ANKRD26: variants seen among roughly 807,000 people sequenced by gnomAD.
The protein encoded by ANKRD26 is ankyrin repeat domain 26.
Under a neutral mutation model 208.7 loss-of-function variants are expected in ANKRD26, and 141 were observed. The observed-to-expected ratio is 0.68, with a 90% CI of 0.59 to 0.78. The LOEUF is 0.78. Among genes scored for constraint, ANKRD26 ranks in the 30% least tolerant of loss-of-function variants. ANKRD26 has a pLI of 0.00. For missense variants in ANKRD26, 1,889 were observed against 1,938.7 expected (o/e 0.97, Z 0.48); for synonymous variants, 636 against 660.4 (o/e 0.96, Z 0.57).
In ANKRD26 at chr10:27,035,001, AGTT is replaced by A. The variant is rs1356243871; in HGVS notation, c.3446_3448del (p.Gln1149del). On this transcript the variant is annotated inframe_deletion, in exon 24 of 34. Transcript: ENST00000376087. ...GTCAGCCTTGTTGTGGGCATCATCC[AGTT>A]GTTGTCGAAGCAACATATTCTCACT... is the stretch of plus-strand genomic sequence containing the variant. 6.2e-7 allele frequency: 1 copy of A among 1,613,960 alleles called. No homozygotes were observed. The highest frequency in any genetic ancestry group is 8.5e-7 in the Non-Finnish European group (1 of 1,179,962).
intron 25 of ANKRD26, chr10:27,030,694 T>A: frequency 8.0e-6 from 5 of 621,894 alleles, no homozygotes; most frequent in Non-Finnish European, 1.0e-5. Context: ...ATTAAGTGGT[T>A]TCTACTTATA....
intron 12 of ANKRD26, among the ~76,000 whole-genome samples, chr10:27,061,446 T>C (rs1388101510): frequency 6.6e-6 from 1 of 152,140 alleles, no homozygotes; most frequent in Non-Finnish European, 1.5e-5. Context: ...TAAAATGTTA[T>C]CCTCTAAAGG....
chr10:27,028,861 A>C lies in ANKRD26; in HGVS notation c.3963T>G (p.Asn1321Lys). 6.2e-7 allele frequency: 1 copy of C among 1,612,942 alleles called. No homozygotes were observed. The highest frequency in any genetic ancestry group is 1.7e-5 in the Admixed American group (1 of 60,004). Residue 1321 changes from asparagine (N) to lysine (K), a missense_variant, in exon 27 of 34, where the codon AAT (asparagine) becomes AAG (lysine). Physicochemically the swap from Asn to Lys is moderately conservative, Grantham distance 94. Transcript: ENST00000376087. ...TAAGTGGCTGACTTACCAAATTTGC[A>C]TTTAACAGGTTTTTCTGAAGCTCCT... ...KIEELQKNLL[N>K]ANLSEDEKEQ...
intron 31 of ANKRD26, among the ~76,000 whole-genome samples, 199 bp downstream of exon 31, chr10:27,014,295 T>G (rs1425158692): frequency 1.3e-5 from 2 of 149,498 alleles, no homozygotes; most frequent in Non-Finnish European, 3.0e-5. Flanking sequence ...CCATATAAAA[T>G]TAAAAAAAAA....
intron 32 of ANKRD26, among the ~76,000 whole-genome samples, chr10:27,012,349 TAA>T (rs1313390016): frequency 2.0e-5 from 3 of 151,284 alleles, no homozygotes; most frequent in Non-Finnish European, 2.9e-5. Context: ...ATTTATTGAA[TAA>T]AGTTAACAAA....
chr10:26,965,725 C>T, the ANKRD26 span, among the ~76,000 whole-genome samples: 1 of 152,176 alleles, frequency 6.6e-6, no homozygotes, highest in Non-Finnish European at 1.5e-5. Context: ...TTTTTGTAAT[C>T]TACCCATCTG....
downstream of ANKRD26, among the ~76,000 whole-genome samples, chr10:26,972,045 C>T (rs919785725): frequency 3.9e-5 from 6 of 152,130 alleles, no homozygotes; most frequent in South Asian, 1.0e-3. Flanking sequence ...ACCATCCTGG[C>T]TAACACGGTG....
At chr10:26,951,052 G>C in the ANKRD26 span, among the ~76,000 whole-genome samples, 1 of 40,294 alleles carries the variant, frequency 2.5e-5, no homozygotes, top group African/African-American at 1.3e-4. Context: ...TTTCATGTTT[G>C]TTGACCACTT....
At chr10:27,094,652 G>T (rs906827732) in intron 1 of ANKRD26, among the ~76,000 whole-genome samples, 4 of 152,188 alleles carry the variant, frequency 2.6e-5, no homozygotes, top group African/African-American at 9.7e-5. Context: ...GTTTAATAAA[G>T]ATGTTTTAAT....
At chr10:26,952,928 G>A in the ANKRD26 span, among the ~76,000 whole-genome samples, 1 of 152,114 alleles carries the variant, frequency 6.6e-6, no homozygotes, top group Admixed American at 6.5e-5. Context: ...TTAGACAAAC[G>A]AAAAGAGCCA....
At chr10:27,041,976 A>G (rs2054256585) in intron 20 of ANKRD26, among the ~76,000 whole-genome samples, 1 of 152,138 alleles carries the variant, frequency 6.6e-6, no homozygotes, top group Admixed American at 6.5e-5. Context: ...TTGAAGGTGG[A>G]CTGTGATAAA....
chr10:27,093,389 T>C lies in ANKRD26; in HGVS notation c.491A>G (p.Lys164Arg). ...AATATTTGCATCATACAAAAGCAGC[T>C]TTGTTGCTACTGATATGTCCTCATT... ...VYNEDISVAT[K>R]LLLYDANIEA... Residue 164 changes from lysine to arginine, a missense_variant, in exon 3 of 34, where the codon AAG becomes AGG. Physicochemically the swap from Lys to Arg is conservative, Grantham distance 26. Coordinates refer to ENST00000376087, the MANE Select transcript of ANKRD26 (RefSeq NM_014915.3). 1.9e-6 allele frequency: 3 copies of C among 1,614,150 alleles called. No homozygotes were observed. Among genetic ancestry groups the C allele is most frequent in the Non-Finnish European group, 2.5e-6 (3 of 1,180,034 alleles).
the ANKRD26 span, among the ~76,000 whole-genome samples, chr10:26,950,156 G>T: frequency 6.6e-6 from 1 of 152,140 alleles, no homozygotes; most frequent in Non-Finnish European, 1.5e-5. Flanking sequence ...GGGACTTGTG[G>T]GGAGGTGATT....
At chr10:27,089,242 AG>A (rs1375419535) in intron 4 of ANKRD26, among the ~76,000 whole-genome samples, 2 of 152,214 alleles carry the variant, frequency 1.3e-5, no homozygotes, top group Non-Finnish European at 2.9e-5. Context: ...GATTTATAAA[AG>A]AGGACTGTCT....
intron 16 of ANKRD26, among the ~76,000 whole-genome samples, chr10:27,052,860 TAACCTTGGA>T (rs2054708607): frequency 1.3e-5 from 2 of 152,246 alleles, no homozygotes; most frequent in South Asian, 4.1e-4. Flanking sequence ...AATAAATCTT[TAACCTTGGA>T]ATCAGTGACC....
intron 3 of ANKRD26, among the ~76,000 whole-genome samples, chr10:26,986,299 A>C (rs1436920390): frequency 6.6e-6 from 1 of 152,252 alleles, no homozygotes; most frequent in Admixed American, 6.5e-5. Flanking sequence ...TAAAGACTTA[A>C]ATGTTAAACC....
intron 27 of ANKRD26, 100 bp downstream of exon 27, chr10:27,028,752 A>G (rs998216596): frequency 3.1e-6 from 3 of 974,558 alleles, no homozygotes; most frequent in Non-Finnish European, 3.2e-6. Flanking sequence ...AATCTGAAAC[A>G]CTTCTGGTCT....
intron 31 of ANKRD26, 24 bp from the exon 32 acceptor site, chr10:27,013,134 T>C (rs767601167): frequency 3.1e-6 from 5 of 1,596,512 alleles, no homozygotes; most frequent in African/African-American, 1.3e-5. Context: ...AGAAGACACA[T>C]GCTTAGTATT....
chr10:27,061,109 A>G (rs774588015), intron 13 of ANKRD26, 35 bp downstream of exon 13: 1 of 1,405,272 alleles, frequency 7.1e-7, no homozygotes, highest in South Asian at 1.2e-5. Flanking sequence ...CTTGTAGAAT[A>G]ACAGTTAACA....
Sources: allele counts gnomAD v4.1 joint callset (sites outside exome capture counted in the v4.1 genomes callset), GRCh38; gene constraint gnomAD v4.1.1; transcripts MANE v1.5; gene names NCBI Gene and HGNC (gene_info 2026-07-23, HGNC 2026-07-21).